ZFPM1: variants seen among roughly 807,000 people sequenced by gnomAD.
ZFPM1 encodes the protein zinc finger protein, FOG family member 1.
Under a neutral mutation model 46.3 loss-of-function variants are expected in ZFPM1, and 28 were observed. That is an observed-to-expected ratio of 0.60 (90% CI 0.45 to 0.83). The LOEUF (loss-of-function observed/expected upper bound fraction) is 0.83. Among genes scored for constraint, ZFPM1 ranks in the 40% least tolerant of loss-of-function variants. ZFPM1 has a pLI of 0.00. For missense variants in ZFPM1, 1,878 were observed against 1,432.4 expected (o/e 1.31, Z -5.02); for synonymous variants, 957 against 675.9 (o/e 1.42, Z -6.45).
chr16:88,490,937 G>A (rs898258205), intron 3 of ZFPM1, among the ~76,000 whole-genome samples: 3 of 152,148 alleles, frequency 2.0e-5, no homozygotes, highest in South Asian at 2.1e-4. Context: ...TGCTGGCTGC[G>A]TCCCTTCTCC....
At chr16:88,485,821 C>T in intron 1 of ZFPM1, 118 bp from the exon 2 acceptor site, 3 of 871,956 alleles carry the variant, frequency 3.4e-6, no homozygotes, top group South Asian at 1.6e-5. Flanking sequence ...TGACCCTCAC[C>T]CCCACCCATT....
At chr16:88,522,474 C>T (rs1165583461) in intron 4 of ZFPM1, among the ~76,000 whole-genome samples, 8 of 152,234 alleles carry the variant, frequency 5.3e-5, no homozygotes, top group South Asian at 4.1e-4. Flanking sequence ...TCTGCAGGAC[C>T]GGCCGTTTGG....
chr16:88,474,484 T>C (rs1908581298), intron 1 of ZFPM1, among the ~76,000 whole-genome samples: 1 of 151,894 alleles, frequency 6.6e-6, no homozygotes. Flanking sequence ...GTGCCCAGAA[T>C]AAAACCCCAG....
chr16:88,513,746 T>G (rs1275417545), intron 3 of ZFPM1, among the ~76,000 whole-genome samples: 1 of 152,088 alleles, frequency 6.6e-6, no homozygotes, highest in Non-Finnish European at 1.5e-5. Context: ...AAGTCCCAAG[T>G]CCAAGTGTCG....
Position 88,532,122 on chromosome 16 carries a change from C to T in ZFPM1, c.833C>T (p.Thr278Ile), listed in dbSNP as rs1912833294. 5 of 1,612,656 alleles carry T rather than the reference C, an allele frequency of 3.1e-6. No homozygotes were observed. The highest frequency in any genetic ancestry group is 4.2e-6 in the Non-Finnish European group (5 of 1,179,802). ...QGTGSPAAAATDEKPKETYPN... is the reference protein window; with the variant it reads ...QGTGSPAAAAIDEKPKETYPN... ...ACCGGCTCCCCGGCCGCAGCCGCCA[C>T]AGACGAGAAGCCCAAAGAGACCTAC... is the stretch of plus-strand genomic sequence containing the variant. The change falls in exon 7 of 10, where the codon ACA (threonine) becomes ATA (isoleucine). Residue 278 changes from threonine (T) to isoleucine (I), a missense_variant. Coordinates refer to ENST00000319555, the MANE Select transcript of ZFPM1 (RefSeq NM_153813.3).
At chr16:88,503,779 C>T (rs949593755) in intron 3 of ZFPM1, among the ~76,000 whole-genome samples, 3 of 152,222 alleles carry the variant, frequency 2.0e-5, no homozygotes, top group African/African-American at 7.2e-5. Context: ...CCCCGGGGCA[C>T]AGGCCCTGTA....
intron 3 of ZFPM1, among the ~76,000 whole-genome samples, chr16:88,504,267 T>C (rs749681): frequency 0.37 from 55,826 of 151,906 alleles, 10,638 homozygotes; most frequent in East Asian, 0.47. Context: ...GAAAATATGT[T>C]CTGTGCAAAC....
chr16:88,496,544 G>A (rs760450677), intron 3 of ZFPM1, among the ~76,000 whole-genome samples: 9 of 152,086 alleles, frequency 5.9e-5, no homozygotes, highest in South Asian at 2.1e-4. Flanking sequence ...GGTACCCTGC[G>A]GCTGAGATTG....
rs991999791 is a variant in ZFPM1 at position 88,466,736 on chromosome 16, G to A, written c.40+13058G>A. The stretch of plus-strand genomic sequence containing the variant: ...TTTTGTTTCAATATTCTAAAAGGAA[G>A]TCAGCTATTTCCAGTGCAGTGGGGT... On this transcript the variant is annotated intron_variant, in intron 1 of 9. Coordinates refer to ENST00000319555, the MANE Select transcript of ZFPM1 (RefSeq NM_153813.3). 5.9e-5 allele frequency among the ~76,000 whole-genome samples: 9 copies of A among 152,294 alleles called. 2 individuals carry two copies. Among genetic ancestry groups the A allele is most frequent in the Admixed American group, 5.9e-4 (9 of 15,294 alleles).
chr16:88,520,075 G>A (rs1023377536), intron 4 of ZFPM1, among the ~76,000 whole-genome samples: 3 of 151,544 alleles, frequency 2.0e-5, no homozygotes, highest in African/African-American at 7.3e-5. Flanking sequence ...ATGGGTGGAT[G>A]GATGAGTGGG....
chr16:88,469,338 C>T lies in ZFPM1; in HGVS notation c.40+15660C>T, dbSNP rs1052211753. Reference sequence around the variant, plus strand: ...CCTCCCCATCTGTAAAACCGGAAGGCGGTCTAGTAGGTCTGCCTCCCAGGA... The same window carrying T: ...CCTCCCCATCTGTAAAACCGGAAGGTGGTCTAGTAGGTCTGCCTCCCAGGA... On this transcript the variant is annotated intron_variant, in intron 1 of 9. Coordinates refer to ENST00000319555, the MANE Select transcript of ZFPM1 (RefSeq NM_153813.3). This position sits in a 1 kb window ranked among gnomAD's most constrained non-coding sequence, Gnocchi z 4.3. 1.3e-5 allele frequency among the ~76,000 whole-genome samples: 2 copies of T among 152,358 alleles called. No individual in the cohort carries two copies. The highest frequency in any genetic ancestry group is 2.1e-4 in the South Asian group (1 of 4,832).
chr16:88,522,511 C>T (rs1911975495), intron 4 of ZFPM1, among the ~76,000 whole-genome samples: 4 of 152,248 alleles, frequency 2.6e-5, no homozygotes, highest in South Asian at 2.1e-4. Flanking sequence ...ACCCCAGCAG[C>T]CCTGCAAGCT....
rs745558410 is a variant in ZFPM1 at position 88,526,813 on chromosome 16, G to T, written c.403-1G>T. 1 of 1,346,480 alleles carries T rather than the reference G, an allele frequency of 7.4e-7. No individual in the cohort carries two copies. The highest frequency in any genetic ancestry group is 1.0e-6 in the Non-Finnish European group (1 of 983,900). 83.4% of individuals were successfully genotyped at this position (1,346,480 alleles called of 1,614,324 possible). On this transcript the variant is annotated splice_acceptor_variant, in intron 4 of 9. Transcript: ENST00000319555. LOFTEE classifies it high-confidence loss of function. ...CACGTGTTCCTACCCTCCCCCCCCAGAGCCCAGCCCTGACCCTGCTGCTGG... is the reference window on the plus strand; with the variant it reads ...CACGTGTTCCTACCCTCCCCCCCCATAGCCCAGCCCTGACCCTGCTGCTGG...
At chr16:88,520,239 G>C (rs1911725663) in intron 4 of ZFPM1, among the ~76,000 whole-genome samples, 1 of 151,316 alleles carries the variant, frequency 6.6e-6, no homozygotes, top group Non-Finnish European at 1.5e-5. Flanking sequence ...TGGATTGACG[G>C]CTGGGTGGAT....
In ZFPM1 at chr16:88,471,751, A is replaced by C. The variant is rs1173633398; in HGVS notation, c.41-14188A>C. 6.6e-6 allele frequency among the ~76,000 whole-genome samples: 1 copy of C among 152,158 alleles called. No homozygotes were observed. The highest frequency in any genetic ancestry group is 1.5e-5 in the Non-Finnish European group (1 of 68,016). ...ATGAATTCCTGCCCACCACTTACTCACACTGGGATCTGCCACAGACACCTG... is the reference window on the plus strand; with the variant it reads ...ATGAATTCCTGCCCACCACTTACTCCCACTGGGATCTGCCACAGACACCTG... On this transcript the variant is annotated intron_variant, in intron 1 of 9. Coordinates refer to ENST00000319555, the MANE Select transcript of ZFPM1 (RefSeq NM_153813.3). This position sits in a 1 kb window ranked among gnomAD's most constrained non-coding sequence, Gnocchi z 4.1.
intron 3 of ZFPM1, among the ~76,000 whole-genome samples, chr16:88,493,640 C>G (rs941733154): frequency 2.3e-5 from 2 of 88,668 alleles, no homozygotes; most frequent in Admixed American, 1.3e-4. Context: ...TCCCGGGGTG[C>G]GGTGAGCTGT....
intron 3 of ZFPM1, among the ~76,000 whole-genome samples, chr16:88,489,862 G>A (rs371271107): frequency 3.3e-5 from 5 of 152,168 alleles, no homozygotes; most frequent in Non-Finnish European, 4.4e-5. Context: ...CACAGCCCAA[G>A]GAACCGCAGT....
At chr16:88,456,070 C>G (rs1399083046) in intron 1 of ZFPM1, among the ~76,000 whole-genome samples, 1 of 152,336 alleles carries the variant, frequency 6.6e-6, no homozygotes, top group South Asian at 2.1e-4. Context: ...GGGCTTGGAA[C>G]GGCCCGGGTT....
At chr16:88,512,177 T>A (rs981338405) in intron 3 of ZFPM1, among the ~76,000 whole-genome samples, 1 of 152,176 alleles carries the variant, frequency 6.6e-6, no homozygotes, top group African/African-American at 2.4e-5. Context: ...AGCAGGACCG[T>A]TTGCCTGTGG....
Sources: gnomAD v4.1 joint callset for allele counts (sites outside exome capture counted in the v4.1 genomes callset) on GRCh38, gnomAD v4.1.1 for gene constraint, Gnocchi (gnomAD v3.1) non-coding constraint, MANE v1.5 for transcripts, NCBI Gene and HGNC (gene_info 2026-07-23, HGNC 2026-07-21) for gene names.